ABCA4: variants seen among roughly 807,000 people sequenced by gnomAD.
ABCA4 encodes the protein retinal-specific phospholipid-transporting ATPase ABCA4.
ABCA4 carries 196 observed loss-of-function variants against 263.7 expected under a neutral mutation model. That is an observed-to-expected ratio of 0.74 (90% CI 0.66 to 0.84). ABCA4 has a LOEUF of 0.84. ABCA4 is among the 40% of genes least tolerant of loss of function. The pLI, the probability that ABCA4 is intolerant of heterozygous loss-of-function variation, is 0.00. For synonymous variants in ABCA4, 1,133 were observed against 1,094.2 expected (o/e 1.04, Z -0.70); for missense variants, 2,792 against 2,855.1 (o/e 0.98, Z 0.50).
At chr1:94,101,586 T>C (rs1662287791) in intron 5 of ABCA4, among the ~76,000 whole-genome samples, 1 of 152,240 alleles carries the variant, frequency 6.6e-6, no homozygotes, top group South Asian at 2.1e-4. Context: ...CCCTCACTCC[T>C]CTGGACTCAG....
At chr1:94,019,559 A>C in intron 36 of ABCA4, 23 bp downstream of exon 36, 1 of 1,581,104 alleles carries the variant, frequency 6.3e-7, no homozygotes, top group Non-Finnish European at 8.6e-7. Context: ...GAGGGGAGGG[A>C]GGCGCTGTAA....
intron 5 of ABCA4, among the ~76,000 whole-genome samples, chr1:94,100,395 T>G (rs1662255987): frequency 6.6e-6 from 1 of 152,204 alleles, no homozygotes; most frequent in Non-Finnish European, 1.5e-5. Flanking sequence ...CTATTTCCAT[T>G]TTACAAATGA....
At chr1:94,078,473 AT>A (rs1661596083) in intron 10 of ABCA4, 116 bp downstream of exon 10, 4 of 824,738 alleles carry the variant, frequency 4.9e-6, no homozygotes, top group Non-Finnish European at 8.2e-6. Flanking sequence ...TGCTTGTTGT[AT>A]TTTGATCTAA....
intron 11 of ABCA4, 117 bp from the exon 12 acceptor site, chr1:94,063,434 G>A (rs1348505824): frequency 2.7e-5 from 27 of 1,005,932 alleles, no homozygotes; most frequent in South Asian, 6.5e-5. Flanking sequence ...CAAATGCAAG[G>A]AGGCCTATAA....
At position 94,031,577 on chromosome 1, in the gene ABCA4, G is replaced by A. The variant is rs7543524; in HGVS notation, c.4128+201C>T. Among the ~76,000 whole-genome samples the A allele has an allele frequency of 0.11, 16,747 of 152,202 alleles. 1,467 individuals carry two copies. Among genetic ancestry groups the A allele is most frequent in the African/African-American group, 0.25 (10,282 of 41,482 alleles). Reference sequence around the variant, plus strand: ...CACTATTATTCTATTTTCTTTGCTAGGGGAGGTCCAACTTACAAAGAAGAT... The same window carrying A: ...CACTATTATTCTATTTTCTTTGCTAAGGGAGGTCCAACTTACAAAGAAGAT... On this transcript the variant is annotated intron_variant, in intron 27 of 49. Transcript: ENST00000370225.
At chr1:94,085,494 T>C (rs1354174703) in intron 6 of ABCA4, among the ~76,000 whole-genome samples, 2 of 152,206 alleles carry the variant, frequency 1.3e-5, no homozygotes, top group Non-Finnish European at 2.9e-5. Flanking sequence ...ACTTCCCTTC[T>C]AGAATATTTC....
chr1:94,044,169 G>A (rs944899701), intron 20 of ABCA4, among the ~76,000 whole-genome samples: 8 of 145,246 alleles, frequency 5.5e-5, no homozygotes, highest in East Asian at 4.1e-4. Context: ...ATGACTATGC[G>A]TAGCTTCTTA....
chr1:94,027,300 G>C (rs1288760481), intron 30 of ABCA4, among the ~76,000 whole-genome samples: 1 of 152,206 alleles, frequency 6.6e-6, no homozygotes, highest in African/African-American at 2.4e-5. Context: ...AGACCGCGTG[G>C]AAGTAAGGGT....
In ABCA4 at chr1:94,060,636, T is replaced by A; in HGVS notation, c.2061A>T (p.Lys687Asn). 6.2e-7 allele frequency: 1 copy of A among 1,614,156 alleles called. No homozygotes were observed. Among genetic ancestry groups the A allele is most frequent in the Non-Finnish European group, 8.5e-7 (1 of 1,180,034 alleles). ...TCACTGCATTGGAGACACCCTGATT[T>A]TTCAAGGTCTCCTTCAGTCGCAACT... ...EKELRLKETL[K>N]NQGVSNAVIW... The change falls in exon 14 of 50, where the codon AAA becomes AAT. Residue 687 changes from lysine (K) to asparagine (N), a missense_variant. Lys to Asn is a moderately conservative substitution (Grantham distance 94, BLOSUM62 0). Coordinates refer to ENST00000370225, the MANE Select transcript of ABCA4 (RefSeq NM_000350.3).
intron 20 of ABCA4, 36 bp from the exon 21 acceptor site, chr1:94,043,511 A>AGCACTT: frequency 6.2e-7 from 1 of 1,613,708 alleles, no homozygotes; most frequent in Non-Finnish European, 8.5e-7. Context: ...GCAGTGGCTT[A>AGCACTT]GCACTTCCAC....
rs1268638300 is a variant in ABCA4, at chr1:94,021,912, G to T, written c.4707C>A (p.Val1569=). ...GISIGGKLPV[V]PITGEALVGF... ...CAACAAGTGCTTCCCCCGTGATGGG[G>T]ACGACTGGGAGCTTTCCTCCAATGG... Residue 1569 remains valine, a synonymous_variant, in exon 33 of 50, where the codon GTC becomes GTA. Coordinates refer to ENST00000370225, the MANE Select transcript of ABCA4 (RefSeq NM_000350.3). 1 of 1,614,198 alleles carries T rather than the reference G, an allele frequency of 6.2e-7. No homozygotes were observed. The highest frequency in any genetic ancestry group is 8.5e-7 in the Non-Finnish European group (1 of 1,180,042).
chr1:94,109,131 T>C (rs1382085289), intron 3 of ABCA4, among the ~76,000 whole-genome samples: 1 of 152,178 alleles, frequency 6.6e-6, no homozygotes, highest in Non-Finnish European at 1.5e-5. Context: ...TGAGTATCCT[T>C]ACAATACTGC....
chr1:94,108,775 T>C (rs1242959027), intron 3 of ABCA4, 59 bp from the exon 4 acceptor site: 1 of 1,588,954 alleles, frequency 6.3e-7, no homozygotes, highest in South Asian at 1.1e-5. Flanking sequence ...ACAGTAATAA[T>C]ATCTCATGCT....
chr1:94,062,458 TG>T, intron 13 of ABCA4, 118 bp downstream of exon 13: 1 of 1,271,286 alleles, frequency 7.9e-7, no homozygotes, highest in Non-Finnish European at 1.1e-6. Flanking sequence ...AATTTGGCTC[TG>T]GTCCCTGGGG....
At chr1:94,089,470 A>ATTT (rs60711208) in intron 6 of ABCA4, among the ~76,000 whole-genome samples, 1,993 of 141,770 alleles carry the variant, frequency 0.014, 27 homozygotes, top group Non-Finnish European at 0.021. Flanking sequence ...TTTCTTTTCT[A>ATTT]TTTTTTTTTT....
intron 10 of ABCA4, 61 bp from the exon 11 acceptor site, chr1:94,077,948 G>T: frequency 6.6e-7 from 1 of 1,515,620 alleles, no homozygotes; most frequent in Non-Finnish European, 9.1e-7. Context: ...CTTTGGTCTT[G>T]TTCTTCAGCC....
chr1:94,030,407 CAG>C lies in ABCA4; in HGVS notation c.4352+19_4352+20del. 1 of 1,612,300 alleles carries C rather than the reference CAG, an allele frequency of 6.2e-7. No individual in the cohort carries two copies. The highest frequency in any genetic ancestry group is 8.5e-7 in the Non-Finnish European group (1 of 1,178,468). ...CCCAGGGGAGCTAGTCTTCTTAGGA[CAG>C]GGGCGCGTAGGCACTTACGGAAGCC... On this transcript the variant is annotated intron_variant, in intron 29 of 49. Transcript: ENST00000370225.
intron 4 of ABCA4, among the ~76,000 whole-genome samples, 176 bp downstream of exon 4, chr1:94,108,400 AG>A (rs2101155234): frequency 6.6e-6 from 1 of 152,228 alleles, no homozygotes; most frequent in African/African-American, 2.4e-5. Context: ...CCTACCTTCC[AG>A]GCTTCTGTGG....
At chr1:94,008,194 A>G (rs1372003778) in intron 42 of ABCA4, 41 bp downstream of exon 42, 1 of 1,592,212 alleles carries the variant, frequency 6.3e-7, no homozygotes, top group South Asian at 1.1e-5. Context: ...ACAAGAGCTG[A>G]TGTTCGGAAG....
Sources: allele counts gnomAD v4.1 joint callset (sites outside exome capture counted in the v4.1 genomes callset), GRCh38; gene constraint gnomAD v4.1.1; transcripts MANE v1.5; gene names NCBI Gene and HGNC (gene_info 2026-07-23, HGNC 2026-07-21).